HDAC4: variants seen among roughly 807,000 people sequenced by gnomAD.
HDAC4 encodes the protein histone deacetylase A.
HDAC4 carries 16 observed loss-of-function variants against 135.1 expected under a neutral mutation model. The ratio of observed to expected loss-of-function variants is 0.12; its 90% CI spans 0.08 to 0.18. The LOEUF is 0.18. Ranked by LOEUF, HDAC4 falls within the 10% of genes least tolerant of loss-of-function variation. The pLI is 1.00. For missense variants in HDAC4, 1,143 were observed against 1,511.8 expected, an observed-to-expected ratio of 0.76 and a Z score of 4.05; for synonymous variants, 685 against 653.4, an observed-to-expected ratio of 1.05 and a Z score of -0.74.
At chr2:239,170,059 T>A (rs1334758506) in intron 5 of HDAC4, among the ~76,000 whole-genome samples, 1 of 152,240 alleles carries the variant, frequency 6.6e-6, no homozygotes, top group Non-Finnish European at 1.5e-5. Context: ...GTGCATTTAT[T>A]ATTTCAAGAG....
At chr2:239,198,224 C>A (rs1279296556) in intron 3 of HDAC4, among the ~76,000 whole-genome samples, 1 of 150,900 alleles carries the variant, frequency 6.6e-6, no homozygotes, top group African/African-American at 2.5e-5. Context: ...TGCCTGGTTG[C>A]CCCTGGTTAT....
chr2:239,387,773 A>C (rs959960048), intron 1 of HDAC4, among the ~76,000 whole-genome samples: 1 of 152,070 alleles, frequency 6.6e-6, no homozygotes, highest in Non-Finnish European at 1.5e-5. Context: ...AAGCCTAAAA[A>C]GCCGAGCTCC....
intron 4 of HDAC4, among the ~76,000 whole-genome samples, chr2:239,181,779 C>T (rs954280761): frequency 1.3e-5 from 2 of 152,180 alleles, no homozygotes; most frequent in Non-Finnish European, 1.5e-5. Context: ...GTGGCACCTG[C>T]CCCCAAGGGT....
intron 1 of HDAC4, among the ~76,000 whole-genome samples, chr2:239,389,312 T>C (rs1301664111): frequency 1.3e-5 from 2 of 152,172 alleles, no homozygotes; most frequent in African/African-American, 2.4e-5. Context: ...CCACAATAAA[T>C]CTTGCTGCTG....
intron 3 of HDAC4, among the ~76,000 whole-genome samples, chr2:239,212,704 G>C (rs3791605): frequency 0.018 from 2,761 of 152,320 alleles, 84 homozygotes; most frequent in East Asian, 0.14. Flanking sequence ...CATGCCAAGG[G>C]GTGAGGCTGT....
rs1034755483 is a variant in HDAC4 at position 239,087,723 on chromosome 2, A to T, written c.2389-109T>A. On this transcript the variant is annotated intron_variant, in intron 18 of 26. Transcript: ENST00000543185. ...TAGCAGAGTTGGGCTACACAGGAGG[A>T]CAGTTTCTTGCTGCACCCTGGCCAC... 5 of 1,034,676 alleles carry T rather than the reference A, an allele frequency of 4.8e-6. No individual in the cohort carries two copies. In the East Asian group the frequency reaches 7.6e-5, roughly 16 times the overall value. 64.1% of individuals were successfully genotyped at this position (1,034,676 alleles called of 1,614,324 possible).
In HDAC4 at chr2:239,206,001, T is replaced by C. The variant is rs187686924; in HGVS notation, c.95-15924A>G. On this transcript the variant is annotated intron_variant, in intron 3 of 26. Coordinates refer to ENST00000543185, the MANE Select transcript of HDAC4 (RefSeq NM_001378414.1). The stretch of plus-strand genomic sequence containing the variant: ...GGGCAGGATCCATCAGAAAGAATTT[T>C]AAGGAGAAGAAAGAAATAATTTGTT... Among the ~76,000 whole-genome samples the C allele has an allele frequency of 4.8e-3, 730 of 152,294 alleles. 4 individuals are homozygous for C. The highest frequency in any genetic ancestry group is 8.1e-3 in the Non-Finnish European group (550 of 68,026).
At chr2:239,377,155 C>G (rs1308701645) in intron 1 of HDAC4, among the ~76,000 whole-genome samples, 1 of 152,182 alleles carries the variant, frequency 6.6e-6, no homozygotes, top group Non-Finnish European at 1.5e-5. Flanking sequence ...TCTATGGCAG[C>G]CCAAAGGCTA....
intron 2 of HDAC4, among the ~76,000 whole-genome samples, chr2:239,250,050 A>AGC (rs1012366534): frequency 6.6e-6 from 1 of 152,210 alleles, no homozygotes; most frequent in African/African-American, 2.4e-5. Flanking sequence ...AAGGAGGCCC[A>AGC]GCGCAGCATC....
intron 19 of HDAC4, 93 bp downstream of exon 19, chr2:239,087,466 G>A: frequency 7.9e-7 from 1 of 1,270,270 alleles, no homozygotes; most frequent in Non-Finnish European, 1.1e-6. Context: ...CAGCAGCCCA[G>A]CTCCCCGCAG....
In HDAC4 at chr2:239,307,742, T is replaced by A. The variant is rs567108792; in HGVS notation, c.22+44936A>T. ...GCTGCTGGGATGATTTTCTTCAAGT[T>A]CTCTTTTAGAACAAGCAAAATGGAA... On this transcript the variant is annotated intron_variant, in intron 2 of 26. Coordinates refer to ENST00000543185, the MANE Select transcript of HDAC4 (RefSeq NM_001378414.1). This position sits in a 1 kb window ranked among gnomAD's most constrained non-coding sequence, Gnocchi z 4.8. 6.6e-6 allele frequency among the ~76,000 whole-genome samples: 1 copy of A among 152,250 alleles called. No homozygotes were observed. Among genetic ancestry groups the A allele is most frequent in the South Asian group, 2.1e-4 (1 of 4,820 alleles).
At chr2:239,293,316 C>T (rs1011140665) in intron 2 of HDAC4, among the ~76,000 whole-genome samples, 4 of 152,230 alleles carry the variant, frequency 2.6e-5, no homozygotes, top group Non-Finnish European at 1.5e-5. Flanking sequence ...CTCTGAGCTT[C>T]CCCCAAAGGG....
intron 20 of HDAC4, among the ~76,000 whole-genome samples, chr2:239,083,371 T>C (rs2035546205): frequency 6.6e-6 from 1 of 152,212 alleles, no homozygotes; most frequent in Non-Finnish European, 1.5e-5. Context: ...GGGGACCCGC[T>C]GCTCTGCCGC....
At chr2:239,319,140 A>T (rs2053216780) in intron 2 of HDAC4, among the ~76,000 whole-genome samples, 1 of 152,268 alleles carries the variant, frequency 6.6e-6, no homozygotes, top group African/African-American at 2.4e-5. Context: ...CTTCCAAAGG[A>T]TATTACTTCC....
At chr2:239,162,858 G>T (rs985545026) in intron 6 of HDAC4, among the ~76,000 whole-genome samples, 8 of 152,072 alleles carry the variant, frequency 5.3e-5, no homozygotes, top group African/African-American at 1.9e-4. Flanking sequence ...CTGTGGGGGG[G>T]TCTCACTACA....
intron 3 of HDAC4, among the ~76,000 whole-genome samples, chr2:239,233,528 A>T (rs2047719190): frequency 6.6e-6 from 1 of 152,202 alleles, no homozygotes; most frequent in African/African-American, 2.4e-5. Context: ...GAGATACTCA[A>T]CCTGTATAGA....
At chr2:239,179,032 C>T (rs955906190) in intron 4 of HDAC4, among the ~76,000 whole-genome samples, 4 of 144,130 alleles carry the variant, frequency 2.8e-5, no homozygotes, top group African/African-American at 7.8e-5. Flanking sequence ...AGGCAGCCAC[C>T]GGACGCCTGA....
chr2:239,153,993 A>C (rs1179537059), intron 7 of HDAC4, among the ~76,000 whole-genome samples: 8 of 152,218 alleles, frequency 5.3e-5, no homozygotes, highest in Non-Finnish European at 1.2e-4. Flanking sequence ...TCTGTTTCTT[A>C]GAACAGGAGG....
chr2:239,354,188 ATAT>A (rs1693342376), intron 1 of HDAC4, among the ~76,000 whole-genome samples: 2 of 152,050 alleles, frequency 1.3e-5, no homozygotes, highest in Non-Finnish European at 2.9e-5. Flanking sequence ...CTCTGTGCTG[ATAT>A]TACAGCCAGG....
Sources: gnomAD v4.1 joint callset for allele counts (sites outside exome capture counted in the v4.1 genomes callset) on GRCh38, gnomAD v4.1.1 for gene constraint, Gnocchi (gnomAD v3.1) non-coding constraint, MANE v1.5 for transcripts, NCBI Gene and HGNC (gene_info 2026-07-23, HGNC 2026-07-21) for gene names.